Variants in PDE4D observed in about 807,000 individuals in gnomAD.
The protein encoded by PDE4D is 3',5'-cyclic-AMP phosphodiesterase 4D.
In PDE4D, 24 loss-of-function variants were observed where a neutral mutation model predicts 87.4. The ratio of observed to expected loss-of-function variants is 0.27; its 90% CI spans 0.20 to 0.39. PDE4D has a LOEUF of 0.39. PDE4D is among the 10% of genes least tolerant of loss of function. The pLI is 1.00. For missense variants in PDE4D, 714 were observed against 1,041.0 expected (o/e 0.69, Z 4.32); for synonymous variants, 384 against 383.2 (o/e 1.00, Z -0.02).
chr5:60,501,368 T>G (rs1343546127), intron 1 of PDE4D, among the ~76,000 whole-genome samples: 1 of 151,904 alleles, frequency 6.6e-6, no homozygotes, highest in Non-Finnish European at 1.5e-5. Context: ...CCATGGTGTA[T>G]ATGTGCCACA....
chr5:60,115,391 C>T (rs1009742869), intron 2 of PDE4D, among the ~76,000 whole-genome samples: 1 of 151,928 alleles, frequency 6.6e-6, no homozygotes, highest in Non-Finnish European at 1.5e-5. Context: ...GTGTCATGAA[C>T]AAAAAATTAA....
chr5:60,489,652 A>T (rs938220627), upstream of PDE4D: 1 of 152,170 alleles, frequency 6.6e-6, no homozygotes, highest in African/African-American at 2.4e-5. Context: ...ACCTTTGTTT[A>T]TTTGACAGTG....
chr5:59,656,613 G>T (rs1414834895), intron 1 of PDE4D, among the ~76,000 whole-genome samples: 3 of 152,150 alleles, frequency 2.0e-5, no homozygotes, highest in Non-Finnish European at 4.4e-5. Context: ...GAGGATGTGG[G>T]CATTCCTAAC....
intron 1 of PDE4D, among the ~76,000 whole-genome samples, chr5:59,621,586 T>A (rs188431190): frequency 1.3e-5 from 2 of 152,334 alleles, no homozygotes; most frequent in African/African-American, 4.8e-5. Context: ...TCTCACTGAT[T>A]AAATCTGAAA....
intron 1 of PDE4D, among the ~76,000 whole-genome samples, chr5:59,615,103 T>C (rs1449734313): frequency 1.3e-5 from 2 of 152,208 alleles, no homozygotes; most frequent in African/African-American, 4.8e-5. Flanking sequence ...CTGCTGGGAT[T>C]ACAGGCATGA....
rs530171545 is a variant in PDE4D, at chr5:59,867,153, T to C, written c.455+26015A>G. ...AGAAAGGAAGCTTACTTAATTGAGA[T>C]GTGTAGAGAGAGAAGGGTATGAAGC... On this transcript the variant is annotated intron_variant, in intron 1 of 14. Transcript: ENST00000340635. 1.3e-4 allele frequency among the ~76,000 whole-genome samples: 20 copies of C among 152,132 alleles called. No individual in the cohort carries two copies. The South Asian group carries it at 4.1e-3, about 32-fold the overall frequency.
At chr5:59,195,499 G>A (rs1745274673) in intron 2 of PDE4D, among the ~76,000 whole-genome samples, 1 of 152,180 alleles carries the variant, frequency 6.6e-6, no homozygotes, top group South Asian at 2.1e-4. Flanking sequence ...ATGGAAGGCA[G>A]GAAATTCAGA....
At chr5:59,736,017 A>G (rs1758015303) in intron 1 of PDE4D, among the ~76,000 whole-genome samples, 1 of 152,068 alleles carries the variant, frequency 6.6e-6, no homozygotes, top group Non-Finnish European at 1.5e-5. Flanking sequence ...AAAAAACAAA[A>G]GACTAGAAAT....
At chr5:59,544,673 G>C (rs1816949093) in intron 1 of PDE4D, among the ~76,000 whole-genome samples, 1 of 152,198 alleles carries the variant, frequency 6.6e-6, no homozygotes, top group African/African-American at 2.4e-5. Flanking sequence ...TAAGCTATTA[G>C]CTGGAAGCTC....
intron 1 of PDE4D, among the ~76,000 whole-genome samples, chr5:59,881,833 G>A (rs1421000955): frequency 6.6e-6 from 1 of 152,094 alleles, no homozygotes; most frequent in Admixed American, 6.5e-5. Flanking sequence ...AGCACTATAT[G>A]GTATTATGAC....
At chr5:59,125,926 G>A (rs1362260762) in intron 5 of PDE4D, among the ~76,000 whole-genome samples, 5 of 152,066 alleles carry the variant, frequency 3.3e-5, no homozygotes, top group Admixed American at 3.3e-4. Flanking sequence ...GGCACAAGGA[G>A]CCTTGTGTGA....
chr5:59,180,384 A>T, intron 5 of PDE4D: 1 of 705,476 alleles, frequency 1.4e-6, no homozygotes, highest in Non-Finnish European at 2.6e-6. Context: ...AAAATAATGT[A>T]CATCAGTAAA....
At chr5:59,857,866 A>G (rs1466352878) in intron 1 of PDE4D, among the ~76,000 whole-genome samples, 2 of 140,732 alleles carry the variant, frequency 1.4e-5, no homozygotes, top group Non-Finnish European at 1.5e-5. Flanking sequence ...GGGAGAGCAG[A>G]AGGAAGGAAG....
rs542987804 is a variant in PDE4D, at chr5:60,433,960, C to G, written c.-90+53982G>C. 5.3e-5 allele frequency among the ~76,000 whole-genome samples: 8 copies of G among 152,154 alleles called. No homozygotes were observed. In the South Asian group the frequency reaches 1.7e-3, roughly 32 times the overall value. ...GAGGAAGGTGATGATCAGAAGACTA[C>G]ATATTGGGTACTATGCTCATTACCT... On this transcript the variant is annotated intron_variant, in intron 1 of 16. Coordinates refer to the PDE4D transcript ENST00000502484.
At chr5:60,458,435 T>A (rs1237798308) in intron 1 of PDE4D, among the ~76,000 whole-genome samples, 1 of 149,282 alleles carries the variant, frequency 6.7e-6, no homozygotes, top group African/African-American at 2.5e-5. Context: ...ATGTGTGTCA[T>A]GTTGCTTGCT....
intron 1 of PDE4D, among the ~76,000 whole-genome samples, chr5:59,684,882 C>T (rs904476658): frequency 6.6e-6 from 1 of 152,198 alleles, no homozygotes; most frequent in Non-Finnish European, 1.5e-5. Context: ...ATGCTCTCAC[C>T]AATTCTCTCT....
At chr5:59,034,822 T>G (rs980973083) in intron 6 of PDE4D, among the ~76,000 whole-genome samples, 1 of 152,262 alleles carries the variant, frequency 6.6e-6, no homozygotes, top group Non-Finnish European at 1.5e-5. Context: ...GACTTTCAGC[T>G]TGAAACACAG....
chr5:60,045,834 T>A (rs1369764934), intron 2 of PDE4D, among the ~76,000 whole-genome samples: 1 of 152,214 alleles, frequency 6.6e-6, no homozygotes, highest in Non-Finnish European at 1.5e-5. Context: ...TAGGATTGAC[T>A]TGGTGATGCG....
At chr5:59,303,831 C>G (rs562335595) in intron 1 of PDE4D, among the ~76,000 whole-genome samples, 65 of 152,176 alleles carry the variant, frequency 4.3e-4, no homozygotes, top group African/African-American at 1.5e-3. Context: ...TGTGATGCCT[C>G]CAGATTTGTA....
Sources: gnomAD v4.1 joint callset for allele counts (sites outside exome capture counted in the v4.1 genomes callset) on GRCh38, gnomAD v4.1.1 for gene constraint, MANE v1.5 for transcripts, NCBI Gene and HGNC (gene_info 2026-07-23, HGNC 2026-07-21) for gene names.